The following PHF21A variants were observed in gnomAD, a reference collection of about 807,000 sequenced individuals.
PHF21A encodes PHD finger protein 21A, also known as BHC80a.
A neutral mutation model predicts 82.5 loss-of-function variants in PHF21A; 11 were observed. The ratio of observed to expected loss-of-function variants is 0.13; its 90% confidence interval spans 0.08 to 0.22. The LOEUF (loss-of-function observed/expected upper bound fraction) is 0.22, where lower values mean the gene tolerates loss of function less well. Among genes scored for constraint, PHF21A ranks in the 10% least tolerant of loss-of-function variants. The pLI, the probability that PHF21A is intolerant of heterozygous loss-of-function variation, is 1.00. For synonymous variants in PHF21A, 297 were observed against 302.8 expected, an observed-to-expected ratio of 0.98 and a Z score of 0.20; for missense variants, 579 against 837.8, an observed-to-expected ratio of 0.69 and a Z score of 3.81.
At chr11:46,106,951 A>C (rs897875384) in intron 1 of PHF21A, among the ~76,000 whole-genome samples, 1 of 152,194 alleles carries the variant, frequency 6.6e-6, no homozygotes, top group African/African-American at 2.4e-5. Flanking sequence ...TAAAATTAAA[A>C]AGCTGCAAAA....
Position 45,931,553 on chromosome 11 carries a change from G to A in PHF21A, c.*2415C>T, listed in dbSNP as rs74566099. The A allele has an allele frequency of 0.014, 2,058 of 152,388 alleles. 20 individuals are homozygous for A. Among genetic ancestry groups the A allele is most frequent in the Non-Finnish European group, 0.022 (1,489 of 68,060 alleles). 9.4% of individuals were successfully genotyped at this position (152,388 alleles called of 1,614,324 possible). On this transcript the variant is annotated 3_prime_UTR_variant, in exon 19 of 19. Transcript: ENST00000676320. ...TGAGGCCCCTGGGAAGATGAAAGGC[G>A]ATGGCTGATAGAGATGAGACACATT...
At chr11:45,991,189 C>T (rs2094686809) in intron 6 of PHF21A, among the ~76,000 whole-genome samples, 1 of 152,110 alleles carries the variant, frequency 6.6e-6, no homozygotes, top group Admixed American at 6.5e-5. Flanking sequence ...TAAGGTTCTT[C>T]TATGTTTTTC....
At chr11:46,115,976 C>G (rs1373775225) in intron 1 of PHF21A, among the ~76,000 whole-genome samples, 1 of 152,072 alleles carries the variant, frequency 6.6e-6, no homozygotes, top group African/African-American at 2.4e-5. Flanking sequence ...TCTCACCGTT[C>G]ACAGAAGCAA....
intron 3 of PHF21A, among the ~76,000 whole-genome samples, chr11:46,089,933 G>A (rs2096904953): frequency 6.6e-6 from 1 of 151,860 alleles, no homozygotes; most frequent in African/African-American, 2.4e-5. Flanking sequence ...TCCTTCACAA[G>A]TCTGTGTAGT....
chr11:46,019,357 T>G (rs1455017041), intron 6 of PHF21A, among the ~76,000 whole-genome samples: 2 of 152,156 alleles, frequency 1.3e-5, no homozygotes, highest in East Asian at 3.8e-4. Context: ...ACTTGAGAAC[T>G]AATCCAGAAG....
intron 15 of PHF21A, among the ~76,000 whole-genome samples, chr11:45,942,516 T>C (rs1222673362): frequency 6.6e-6 from 1 of 152,238 alleles, no homozygotes; most frequent in Non-Finnish European, 1.5e-5. Context: ...ACAAGATTTC[T>C]GAGAGAGACC....
intron 6 of PHF21A, among the ~76,000 whole-genome samples, chr11:46,015,046 C>T (rs1462762386): frequency 6.6e-6 from 1 of 151,204 alleles, no homozygotes; most frequent in Non-Finnish European, 1.5e-5. Flanking sequence ...GTTATTCTGA[C>T]TGGTGTAAAG....
intron 14 of PHF21A, among the ~76,000 whole-genome samples, 194 bp downstream of exon 14, chr11:45,948,692 T>G (rs932785393): frequency 1.3e-5 from 2 of 152,278 alleles, no homozygotes; most frequent in Non-Finnish European, 2.9e-5. Flanking sequence ...TAAAGTCAGC[T>G]TTTGATTCAG....
At chr11:45,954,366 T>C (rs908757104) in intron 10 of PHF21A, among the ~76,000 whole-genome samples, 18 of 152,124 alleles carry the variant, frequency 1.2e-4, no homozygotes, top group African/African-American at 4.3e-4. Context: ...GTTAAAAACA[T>C]CTCACATACA....
intron 6 of PHF21A, 74 bp from the exon 7 acceptor site, chr11:45,980,040 A>G: frequency 6.3e-7 from 1 of 1,595,778 alleles, no homozygotes; most frequent in East Asian, 2.3e-5. Context: ...ATATGCTCTG[A>G]CATCTTTTCT....
chr11:45,969,949 T>A, intron 8 of PHF21A, 45 bp from the exon 9 acceptor site: 1 of 1,211,670 alleles, frequency 8.3e-7, no homozygotes, highest in Non-Finnish European at 1.2e-6. Flanking sequence ...ACAATTACTC[T>A]TCAATATCAA....
chr11:46,023,981 C>T (rs546321063), intron 6 of PHF21A, among the ~76,000 whole-genome samples: 25 of 152,100 alleles, frequency 1.6e-4, no homozygotes, highest in African/African-American at 5.3e-4. Flanking sequence ...AAAAGAATCA[C>T]TGAATGGCAT....
chr11:45,956,539 C>T (rs1461762381), intron 10 of PHF21A, among the ~76,000 whole-genome samples: 2 of 151,880 alleles, frequency 1.3e-5, no homozygotes, highest in Non-Finnish European at 1.5e-5. Context: ...TATTGCATGA[C>T]GCTGAGATTG....
chr11:45,972,643 G>A (rs2093824855), intron 7 of PHF21A, among the ~76,000 whole-genome samples: 1 of 152,164 alleles, frequency 6.6e-6, no homozygotes, highest in Admixed American at 6.5e-5. Context: ...ACCAGGTGCG[G>A]TGGCTCGTGC....
chr11:46,063,197 G>A (rs974872412), intron 6 of PHF21A, among the ~76,000 whole-genome samples: 8 of 152,200 alleles, frequency 5.3e-5, no homozygotes. Context: ...GGGCTGGCAT[G>A]TTTATAAGAG....
At chr11:46,006,085 G>T (rs1025505469) in intron 6 of PHF21A, among the ~76,000 whole-genome samples, 8 of 152,140 alleles carry the variant, frequency 5.3e-5, no homozygotes, top group Non-Finnish European at 1.2e-4. Flanking sequence ...GAGAATTAAA[G>T]AATTAGGATG....
At chr11:46,105,176 G>T (rs992268675) in intron 1 of PHF21A, among the ~76,000 whole-genome samples, 6 of 152,150 alleles carry the variant, frequency 3.9e-5, no homozygotes, top group African/African-American at 1.4e-4. Flanking sequence ...GCAAAGCTAG[G>T]ATCTGGGCCC....
chr11:45,943,558 C>A (rs1177977996), intron 15 of PHF21A, among the ~76,000 whole-genome samples: 1 of 152,100 alleles, frequency 6.6e-6, no homozygotes. Flanking sequence ...CCCTATAGGC[C>A]CTTTTCTTCT....
Position 46,036,584 on chromosome 11 carries a change from T to A in PHF21A, c.153+40170A>T, listed in dbSNP as rs997890367. Among the ~76,000 whole-genome samples, 70 of 152,330 alleles carry A rather than the reference T, an allele frequency of 4.6e-4. No individual in the cohort carries two copies. The Middle Eastern group carries it at 0.01, about 22-fold the overall frequency. ...CTTCATTTATTTAAACTCTTTTATG[T>A]CCCTAAGTAAAAGTAAAGGTACAGG... On this transcript the variant is annotated intron_variant, in intron 6 of 18. Coordinates refer to ENST00000676320, the MANE Select transcript of PHF21A (RefSeq NM_001352027.3).
Sources: gnomAD v4.1 joint callset for allele counts (sites outside exome capture counted in the v4.1 genomes callset) on GRCh38, gnomAD v4.1.1 for gene constraint, MANE v1.5 for transcripts, NCBI Gene and HGNC (gene_info 2026-07-23, HGNC 2026-07-21) for gene names.